Variants in ZNF707 observed in about 807,000 individuals in gnomAD.
ZNF707 encodes zinc finger protein 707.
ZNF707 carries 8 observed loss-of-function variants against 13.3 expected under a neutral mutation model. The ratio of observed to expected loss-of-function variants is 0.60; its 90% CI spans 0.35 to 1.09. ZNF707 has a LOEUF of 1.09. Among genes scored for constraint, ZNF707 ranks in the 50% least tolerant of loss-of-function variants. The pLI is 0.02. For synonymous variants in ZNF707, 225 were observed against 205.6 expected, an observed-to-expected ratio of 1.09 and a Z score of -0.81; for missense variants, 530 against 512.6, an observed-to-expected ratio of 1.03 and a Z score of -0.33.
At chr8:143,690,475 A>C (rs1340451190) in intron 3 of ZNF707, 2 of 265,662 alleles carry the variant, frequency 7.5e-6, no homozygotes, top group Non-Finnish European at 1.4e-5. Context: ...AGGCAGGAGA[A>C]TTGCTTGAAC....
At chr8:143,690,809 G>A (rs558425466) in intron 3 of ZNF707, 18 of 499,470 alleles carry the variant, frequency 3.6e-5, no homozygotes, top group Admixed American at 7.1e-5. Flanking sequence ...GGAGGGAGCC[G>A]GGGGGCTCTC....
chr8:143,691,000 T>G (rs1389310229), intron 3 of ZNF707, 73 bp from the exon 4 acceptor site: 4 of 1,580,134 alleles, frequency 2.5e-6, no homozygotes, highest in Non-Finnish European at 3.4e-6. Context: ...CCATTCCCCC[T>G]TCCCACCCAG....
In ZNF707 at chr8:143,691,638, G is replaced by A; in HGVS notation, c.181G>A (p.Glu61Lys). ...CAGACCAGACCTCGTCTCTCGCCTGGAACAGTGGGAGGAGCCGTGGGTTGA... is the reference window on the plus strand; with the variant it reads ...CAGACCAGACCTCGTCTCTCGCCTGAAACAGTGGGAGGAGCCGTGGGTTGA... The part of the protein sequence containing the change: ...SPRPDLVSRL[E>K]QWEEPWVEDR... Residue 61 changes from glutamate (E) to lysine (K), a missense_variant, in exon 5 of 6, where the codon GAA (glutamate) becomes AAA (lysine). By Grantham distance (56) the Glu-to-Lys change is moderately conservative. Transcript: ENST00000358656. The A allele has an allele frequency of 6.2e-7, 1 of 1,609,918 alleles. No homozygotes were observed. Among genetic ancestry groups the A allele is most frequent in the Non-Finnish European group, 8.5e-7 (1 of 1,178,504 alleles).
At chr8:143,690,555 G>GTC (rs1438492662) in intron 3 of ZNF707, 6 of 197,860 alleles carry the variant, frequency 3.0e-5, no homozygotes, top group Non-Finnish European at 6.1e-5. Context: ...GCAAGACTCC[G>GTC]TCTCAAAAAA....
chr8:143,690,020 G>C (rs2131521051), intron 2 of ZNF707, 37 bp from the exon 3 acceptor site: 1 of 1,584,014 alleles, frequency 6.3e-7, no homozygotes, highest in East Asian at 2.2e-5. Flanking sequence ...GGCATTCCCA[G>C]GCCGGCTATA....
At chr8:143,691,876 C>T in intron 5 of ZNF707, 163 bp downstream of exon 5, 1 of 946,512 alleles carries the variant, frequency 1.1e-6, no homozygotes, top group Middle Eastern at 2.7e-4. Flanking sequence ...GTAGGGGCAG[C>T]CACGCTCCTG....
rs1817237849 is a variant in ZNF707 at position 143,695,259 on chromosome 8, C to G, written c.*729C>G. On this transcript the variant is annotated 3_prime_UTR_variant, in exon 6 of 6. Transcript: ENST00000358656. ...TCGCATTTCGTGGGGGAAGAGGTGA[C>G]CTCTTTGTTTTAAACTTAAGGTGTC... 1 of 152,110 alleles carries G rather than the reference C, an allele frequency of 6.6e-6. No homozygotes were observed. Among genetic ancestry groups the G allele is most frequent in the African/African-American group, 2.4e-5 (1 of 41,398 alleles). 9.4% of individuals were successfully genotyped at this position (152,110 alleles called of 1,614,324 possible).
rs1554613860 is a variant in ZNF707 at position 143,692,295 on chromosome 8, T to C, written c.256+582T>C. The C allele has an allele frequency of 2.6e-5, 33 of 1,289,736 alleles. No individual in the cohort carries two copies. In the South Asian group the frequency reaches 3.5e-4, roughly 14 times the overall value. The allele number at this position is 1,289,736 out of a possible 1,614,324, so 79.9% of individuals were successfully genotyped here. Reference sequence around the variant, plus strand: ...ACGAGCCCTGGGAGGTCCCCGGGTATGTGGAGTCCCCGACTGTGGAGTGTC... The same window carrying C: ...ACGAGCCCTGGGAGGTCCCCGGGTACGTGGAGTCCCCGACTGTGGAGTGTC... On this transcript the variant is annotated intron_variant, in intron 5 of 5. Transcript: ENST00000358656.
At chr8:143,689,697 C>T (rs1816626471) in intron 2 of ZNF707, among the ~76,000 whole-genome samples, 1 of 152,202 alleles carries the variant, frequency 6.6e-6, no homozygotes, top group Admixed American at 6.5e-5. Flanking sequence ...GCCTCCGCTG[C>T]CTCAGTTGCG....
chr8:143,694,648 T>G lies in ZNF707; in HGVS notation c.*118T>G, dbSNP rs542787194. On this transcript the variant is annotated 3_prime_UTR_variant, in exon 6 of 6. Coordinates refer to ENST00000358656, the MANE Select transcript of ZNF707 (RefSeq NM_001100598.2). The surrounding 1 kb of genome is among the most constrained non-coding windows in gnomAD (Gnocchi z 4.4). Reference sequence around the variant, plus strand: ...CAACCTGAATTCAGAGAAGCCTTCTTAGTCCTCAGAGCTCCCCAGTCCCCC... The same window carrying G: ...CAACCTGAATTCAGAGAAGCCTTCTGAGTCCTCAGAGCTCCCCAGTCCCCC... 4.2e-6 allele frequency: 5 copies of G among 1,199,110 alleles called. No homozygotes were observed. The highest frequency in any genetic ancestry group is 5.7e-6 in the Non-Finnish European group (5 of 884,602). The allele number at this position is 1,199,110 out of a possible 1,614,324, so 74.3% of individuals were successfully genotyped here. A position where few individuals can be genotyped will look rare whatever the true frequency, so the allele number is the denominator to read the frequency against.
In ZNF707 at chr8:143,690,227, C is replaced by G. The variant is rs967185316; in HGVS notation, c.15+104C>G. 2.7e-6 allele frequency: 4 copies of G among 1,470,868 alleles called. No homozygotes were observed. The South Asian group carries it at 4.7e-5, about 17-fold the overall frequency. 91.1% of individuals were successfully genotyped at this position (1,470,868 alleles called of 1,614,324 possible). On this transcript the variant is annotated intron_variant, in intron 3 of 5. Coordinates refer to ENST00000358656, the MANE Select transcript of ZNF707 (RefSeq NM_001100598.2). The stretch of plus-strand genomic sequence containing the variant: ...GTCTGTGGCAGTGGCTTCCCAGGCA[C>G]TGTGCCCGTGTCTGCCTTTCTGCCT...
chr8:143,686,671 A>G (rs1289194235), intron 1 of ZNF707, among the ~76,000 whole-genome samples: 6 of 152,036 alleles, frequency 3.9e-5, no homozygotes, highest in Non-Finnish European at 8.8e-5. Flanking sequence ...CTTTTTAGAA[A>G]AAAAAATTTA....
chr8:143,686,934 C>T (rs1563722043), intron 1 of ZNF707: 2 of 150,900 alleles, frequency 1.3e-5, no homozygotes, highest in Admixed American at 6.6e-5. Flanking sequence ...TGCAATGGCG[C>T]GATATCGGCT....
intron 5 of ZNF707, chr8:143,692,134 T>G: frequency 7.7e-7 from 1 of 1,306,716 alleles, no homozygotes; most frequent in Non-Finnish European, 1.0e-6. Flanking sequence ...AGGAGTTTGC[T>G]CCACGTCCTT....
At chr8:143,685,802 T>A (rs1330345541) in intron 1 of ZNF707, among the ~76,000 whole-genome samples, 1 of 151,450 alleles carries the variant, frequency 6.6e-6, no homozygotes, top group Non-Finnish European at 1.5e-5. Context: ...GTGATTGCAC[T>A]ACTGCATTCC....
chr8:143,690,310 G>A (rs375404710), intron 3 of ZNF707, 187 bp downstream of exon 3: 11 of 663,724 alleles, frequency 1.7e-5, no homozygotes, highest in Admixed American at 2.9e-5. Context: ...AATGCCTCAC[G>A]CCTGTAATCC....
Position 143,694,475 on chromosome 8 carries a change from G to A in ZNF707, c.1061G>A (p.Arg354His), listed in dbSNP as rs567002350. The change falls in exon 6 of 6, where the codon CGT becomes CAT. Residue 354 changes from arginine (R) to histidine (H), a missense_variant. By Grantham distance (29) the Arg-to-His change is conservative (BLOSUM62 0). Transcript: ENST00000358656. The surrounding 1 kb of genome is among the most constrained non-coding windows in gnomAD (Gnocchi z 4.4). ...TGCGGCCACTGTGGGAAAGGCTTCCGTCACCTGGGGTTCTTCACGCGGCAT... is the reference window on the plus strand; with the variant it reads ...TGCGGCCACTGTGGGAAAGGCTTCCATCACCTGGGGTTCTTCACGCGGCAT... Reference protein sequence around the residue: ...YECGHCGKGFRHLGFFTRHQR... With the variant: ...YECGHCGKGFHHLGFFTRHQR... 7 of 1,611,154 alleles carry A rather than the reference G, an allele frequency of 4.3e-6. No individual in the cohort carries two copies. Among genetic ancestry groups the A allele is most frequent in the East Asian group, 2.2e-5 (1 of 44,792 alleles).
In ZNF707 at chr8:143,693,646, G is replaced by A; in HGVS notation, c.257-25G>A. 6.5e-7 allele frequency: 1 copy of A among 1,544,872 alleles called. No homozygotes were observed. On this transcript the variant is annotated intron_variant, in intron 5 of 5. Transcript: ENST00000358656. The surrounding 1 kb of genome is among the most constrained non-coding windows in gnomAD (Gnocchi z 4.1). The stretch of plus-strand genomic sequence containing the variant: ...CCTGGCTGTGGGCCACTGGCTCTGT[G>A]TAAGGGTGTCTGTTCCTTCCACAGG...
intron 4 of ZNF707, 183 bp downstream of exon 4, chr8:143,691,382 A>G: frequency 8.5e-7 from 1 of 1,177,808 alleles, no homozygotes. Context: ...GGCTCCCTGG[A>G]GGCAGCCTCA....
Sources: gnomAD v4.1 joint callset for allele counts (sites outside exome capture counted in the v4.1 genomes callset) on GRCh38, gnomAD v4.1.1 for gene constraint, Gnocchi (gnomAD v3.1) non-coding constraint, MANE v1.5 for transcripts, NCBI Gene and HGNC (gene_info 2026-07-23, HGNC 2026-07-21) for gene names.